ZNF536: variants seen among roughly 807,000 people sequenced by gnomAD.
The protein encoded by ZNF536 is zinc finger protein 536.
ZNF536 carries 13 observed loss-of-function variants against 84.5 expected under a neutral mutation model. The ratio of observed to expected loss-of-function variants is 0.15; its 90% CI spans 0.10 to 0.24. The LOEUF (loss-of-function observed/expected upper bound fraction) is 0.24. ZNF536 is among the 10% of genes least tolerant of loss of function. ZNF536 has a pLI of 1.00. For synonymous variants in ZNF536, 811 were observed against 742.5 expected (o/e 1.09, Z -1.50); for missense variants, 1,536 against 1,747.5 (o/e 0.88, Z 2.16).
intron 2 of ZNF536, among the ~76,000 whole-genome samples, chr19:30,348,280 C>T (rs2047813390): frequency 6.6e-6 from 1 of 152,182 alleles, no homozygotes; most frequent in African/African-American, 2.4e-5. Flanking sequence ...AATGGTTTAA[C>T]TGCACCCAGG....
At chr19:30,595,937 A>G (rs2146857732) in intron 1 of ZNF536, among the ~76,000 whole-genome samples, 1 of 152,208 alleles carries the variant, frequency 6.6e-6, no homozygotes, top group East Asian at 1.9e-4. Flanking sequence ...TGCAGTGGGG[A>G]GCAGGGTGAA....
At chr19:30,485,270 C>T (rs1034710451) in intron 2 of ZNF536, among the ~76,000 whole-genome samples, 2 of 152,160 alleles carry the variant, frequency 1.3e-5, no homozygotes, top group Non-Finnish European at 1.5e-5. Flanking sequence ...TCCTTCAAGC[C>T]TCTAGCTATT....
intron 1 of ZNF536, among the ~76,000 whole-genome samples, chr19:30,698,728 G>T (rs541746841): frequency 3.0e-4 from 46 of 152,252 alleles, no homozygotes; most frequent in Admixed American, 2.3e-3. Context: ...CCTGACCTTG[G>T]TCTGCTGGCT....
At position 30,659,947 on chromosome 19, in the gene ZNF536, A is replaced by G. The variant is rs1285086545; in HGVS notation, c.170-50810A>G. On this transcript the variant is annotated intron_variant, in intron 1 of 1. Transcript: ENST00000592773. Reference sequence around the variant, plus strand: ...AGTCTTTGCTCCTACCCTGTTTGACACAAGGGTGTGTGTGTGTGTGTGTGT... The same window carrying G: ...AGTCTTTGCTCCTACCCTGTTTGACGCAAGGGTGTGTGTGTGTGTGTGTGT... Among the ~76,000 whole-genome samples, 7 of 138,716 alleles carry G rather than the reference A, an allele frequency of 5.0e-5. No individual in the cohort carries two copies. In the East Asian group the frequency reaches 1.4e-3, roughly 27 times the overall value. The allele number at this position is 138,716 out of a possible 152,430, so 91.0% of individuals were successfully genotyped here. A position where few individuals can be genotyped will look rare whatever the true frequency, so the allele number is the denominator to read the frequency against.
intron 1 of ZNF536, among the ~76,000 whole-genome samples, chr19:30,391,164 C>A (rs1263848605): frequency 1.3e-5 from 2 of 152,196 alleles, no homozygotes; most frequent in Non-Finnish European, 2.9e-5. Context: ...TCACTCACTG[C>A]CACTTTGTCC....
intron 2 of ZNF536, chr19:30,296,065 G>T (rs545607149): frequency 2.6e-5 from 4 of 152,258 alleles, no homozygotes; most frequent in African/African-American, 9.6e-5. Context: ...CTGTGTACTG[G>T]GCTTCAAGCA....
intron 2 of ZNF536, among the ~76,000 whole-genome samples, chr19:30,460,035 A>G (rs1334668555): frequency 6.6e-6 from 1 of 152,190 alleles, no homozygotes; most frequent in Admixed American, 6.5e-5. Context: ...GACTTACCTC[A>G]TAGTAGCAAA....
At chr19:30,528,297 GT>G (rs1157655273) in intron 2 of ZNF536, among the ~76,000 whole-genome samples, 2 of 152,156 alleles carry the variant, frequency 1.3e-5, no homozygotes, top group African/African-American at 4.8e-5. Flanking sequence ...CTGCCAGCGA[GT>G]TGGGATGAAG....
chr19:30,451,689 C>T (rs2052615250), intron 2 of ZNF536, among the ~76,000 whole-genome samples: 1 of 152,220 alleles, frequency 6.6e-6, no homozygotes, highest in Middle Eastern at 3.4e-3. Context: ...GATTCGAGGC[C>T]GCGGAGTCAC....
chr19:30,290,133 T>G (rs922506361), intron 2 of ZNF536, among the ~76,000 whole-genome samples: 3 of 152,228 alleles, frequency 2.0e-5, no homozygotes, highest in Non-Finnish European at 4.4e-5. Context: ...GTATTTAACA[T>G]TTTATGACTG....
At chr19:30,488,852 TG>T (rs2054396559) in intron 2 of ZNF536, among the ~76,000 whole-genome samples, 1 of 152,240 alleles carries the variant, frequency 6.6e-6, no homozygotes. Flanking sequence ...GGTTGAAGAT[TG>T]GCCTATGGCT....
chr19:30,600,853 G>T (rs2047657946), intron 1 of ZNF536, among the ~76,000 whole-genome samples: 1 of 152,250 alleles, frequency 6.6e-6, no homozygotes, highest in Non-Finnish European at 1.5e-5. Flanking sequence ...AAGCATTTCT[G>T]CCAAGCATCG....
intron 2 of ZNF536, among the ~76,000 whole-genome samples, chr19:30,334,725 C>G (rs774563016): frequency 6.6e-6 from 1 of 152,136 alleles, no homozygotes; most frequent in Non-Finnish European, 1.5e-5. Flanking sequence ...CAATGCCCAG[C>G]CTTTACAGCA....
intron 1 of ZNF536, among the ~76,000 whole-genome samples, chr19:30,246,282 T>G (rs1386656709): frequency 6.6e-6 from 1 of 152,202 alleles, no homozygotes; most frequent in African/African-American, 2.4e-5. Flanking sequence ...GGGATTGTAT[T>G]GCTCGCGTAT....
chr19:30,482,415 C>T (rs1406246756), intron 2 of ZNF536, among the ~76,000 whole-genome samples: 3 of 152,138 alleles, frequency 2.0e-5, no homozygotes, highest in Non-Finnish European at 2.9e-5. Context: ...GGATTTGAGC[C>T]GGTCTGTTTT....
intron 2 of ZNF536, among the ~76,000 whole-genome samples, chr19:30,473,598 A>G (rs563826486): frequency 7.0e-4 from 107 of 152,320 alleles, no homozygotes; most frequent in African/African-American, 2.5e-3. Flanking sequence ...GCTGGCACCC[A>G]TCCTCACACA....
At chr19:30,388,034 C>T (rs2147288288) in intron 1 of ZNF536, among the ~76,000 whole-genome samples, 1 of 152,290 alleles carries the variant, frequency 6.6e-6, no homozygotes, top group South Asian at 2.1e-4. Context: ...ATGTAATCTC[C>T]TGTGGCTCTC....
At chr19:30,645,967 TG>T (rs2049450454) in intron 1 of ZNF536, among the ~76,000 whole-genome samples, 1 of 151,982 alleles carries the variant, frequency 6.6e-6, no homozygotes, top group Non-Finnish European at 1.5e-5. Flanking sequence ...GGATAAGCTT[TG>T]GGTTGGAGCC....
chr19:30,596,146 G>A (rs1023231542), intron 1 of ZNF536, among the ~76,000 whole-genome samples: 1 of 151,944 alleles, frequency 6.6e-6, no homozygotes, highest in East Asian at 1.9e-4. Flanking sequence ...GCTATTTTGG[G>A]CAACAATTAA....
Sources: gnomAD v4.1 joint callset for allele counts (sites outside exome capture counted in the v4.1 genomes callset) on GRCh38, gnomAD v4.1.1 for gene constraint, MANE v1.5 for transcripts, NCBI Gene and HGNC (gene_info 2026-07-23, HGNC 2026-07-21) for gene names.